Variants in CNTNAP5 observed in about 807,000 individuals in gnomAD.
CNTNAP5 encodes contactin-associated protein-like 5.
Under a neutral mutation model 150.2 loss-of-function variants are expected in CNTNAP5, and 72 were observed. That is an observed-to-expected ratio of 0.48 (90% CI 0.40 to 0.58). The LOEUF (loss-of-function observed/expected upper bound fraction) is 0.58, where lower values mean the gene tolerates loss of function less well. Ranked by LOEUF, CNTNAP5 falls within the 20% of genes least tolerant of loss-of-function variation. CNTNAP5 has a pLI of 0.00. For missense variants in CNTNAP5, 1,636 were observed against 1,626.2 expected (o/e 1.01, Z -0.10); for synonymous variants, 672 against 619.8 (o/e 1.08, Z -1.25).
chr2:124,638,783 A>G (rs1258826736), intron 12 of CNTNAP5, among the ~76,000 whole-genome samples: 4 of 152,178 alleles, frequency 2.6e-5, no homozygotes, highest in Non-Finnish European at 5.9e-5. Flanking sequence ...TCTTTTGTGC[A>G]TCAATACCTT....
intron 19 of CNTNAP5, among the ~76,000 whole-genome samples, chr2:124,823,593 T>C (rs1260483989): frequency 3.9e-5 from 6 of 152,180 alleles, no homozygotes; most frequent in Non-Finnish European, 8.8e-5. Context: ...TCAGTGTCCC[T>C]GCTCACATTG....
intron 6 of CNTNAP5, among the ~76,000 whole-genome samples, chr2:124,459,392 A>C (rs371137834): frequency 5.8e-4 from 88 of 152,290 alleles, no homozygotes; most frequent in African/African-American, 1.7e-3. Flanking sequence ...TAAAGGGTAG[A>C]GTTCTCTGCC....
intron 4 of CNTNAP5, among the ~76,000 whole-genome samples, chr2:124,426,121 G>A (rs1234879893): frequency 1.3e-5 from 2 of 151,676 alleles, no homozygotes; most frequent in Admixed American, 1.3e-4. Flanking sequence ...TTTCTGCTGA[G>A]GTTACGACTG....
intron 6 of CNTNAP5, among the ~76,000 whole-genome samples, chr2:124,450,567 A>G (rs1692944385): frequency 6.6e-6 from 1 of 150,530 alleles, no homozygotes; most frequent in East Asian, 2.0e-4. Flanking sequence ...AAAAAAAAAA[A>G]AAAAAAAAAA....
intron 1 of CNTNAP5, among the ~76,000 whole-genome samples, chr2:124,125,875 G>T (rs936654214): frequency 2.0e-5 from 3 of 152,144 alleles, no homozygotes; most frequent in Admixed American, 1.3e-4. Context: ...TGAGAAAAAA[G>T]ACACAACATA....
At chr2:124,882,401 A>G (rs1480097245) in intron 21 of CNTNAP5, among the ~76,000 whole-genome samples, 1 of 152,162 alleles carries the variant, frequency 6.6e-6, no homozygotes, top group African/African-American at 2.4e-5. Flanking sequence ...TGGAAACCCA[A>G]AATTGTGTGC....
chr2:124,872,314 G>T (rs2104728238), intron 21 of CNTNAP5, among the ~76,000 whole-genome samples: 1 of 150,522 alleles, frequency 6.6e-6, no homozygotes, highest in Admixed American at 6.6e-5. Flanking sequence ...AGTCTGTGAG[G>T]GTCCCAGTCT....
At chr2:124,872,695 C>T (rs1262090854) in intron 21 of CNTNAP5, among the ~76,000 whole-genome samples, 1 of 151,702 alleles carries the variant, frequency 6.6e-6, no homozygotes, top group African/African-American at 2.4e-5. Flanking sequence ...AATTAAAACA[C>T]CCTTAGAAAG....
At chr2:124,489,815 A>G (rs999708401) in intron 7 of CNTNAP5, among the ~76,000 whole-genome samples, 1 of 152,152 alleles carries the variant, frequency 6.6e-6, no homozygotes, top group Non-Finnish European at 1.5e-5. Flanking sequence ...GAAAGGAAGA[A>G]GTGAAGGCAA....
chr2:124,841,628 C>T (rs1682947306), intron 19 of CNTNAP5, among the ~76,000 whole-genome samples: 1 of 152,036 alleles, frequency 6.6e-6, no homozygotes. Context: ...TAATAGTCTG[C>T]TTATTGTTAT....
At chr2:124,431,437 C>T (rs1032829469) in intron 4 of CNTNAP5, among the ~76,000 whole-genome samples, 1 of 150,476 alleles carries the variant, frequency 6.6e-6, no homozygotes, top group Admixed American at 6.6e-5. Flanking sequence ...GGGGAAATAG[C>T]AGCAACATAA....
intron 1 of CNTNAP5, among the ~76,000 whole-genome samples, chr2:124,114,239 T>A (rs1003519403): frequency 1.4e-4 from 22 of 152,154 alleles, no homozygotes; most frequent in African/African-American, 5.1e-4. Context: ...CATTAAGTCA[T>A]GAATCAATGA....
intron 4 of CNTNAP5, among the ~76,000 whole-genome samples, chr2:124,431,470 T>C (rs1340014940): frequency 1.3e-5 from 2 of 149,172 alleles, no homozygotes; most frequent in Admixed American, 6.7e-5. Context: ...TTTACATAAA[T>C]TTCTCCATAA....
rs1204679181 is a variant in CNTNAP5 at position 124,869,659 on chromosome 2, TTC to T, written c.3349-14_3349-13del. Reference sequence around the variant, plus strand: ...AGACCTCTGCTGATGTGCCTTTGTTTTCTGTTTTCCTGCAGATGGACCAGCAA... The same window carrying T: ...AGACCTCTGCTGATGTGCCTTTGTTTTGTTTTCCTGCAGATGGACCAGCAA... On this transcript the variant is annotated splice_polypyrimidine_tract_variant and intron_variant, in intron 20 of 23. Coordinates refer to ENST00000682447, the MANE Select transcript of CNTNAP5 (RefSeq NM_001367498.1). 2 of 1,587,112 alleles carry T rather than the reference TTC, an allele frequency of 1.3e-6. No individual in the cohort carries two copies.
intron 13 of CNTNAP5, among the ~76,000 whole-genome samples, chr2:124,663,008 A>T (rs533567621): frequency 1.3e-5 from 2 of 152,352 alleles, no homozygotes; most frequent in East Asian, 3.9e-4. Context: ...GCTTTGTGGT[A>T]AGTATTTTCA....
At position 124,914,243 on chromosome 2, in the gene CNTNAP5, C is replaced by T; in HGVS notation, c.3879C>T (p.Asp1293=). ...NLDSSFRNEI[D]LQNTVSECKR... ...ACAGTTCCTTCAGAAATGAAATTGACTTGCAAAACACAGTGAGCGAGTGTA... is the reference window on the plus strand; with the variant it reads ...ACAGTTCCTTCAGAAATGAAATTGATTTGCAAAACACAGTGAGCGAGTGTA... Residue 1293 remains aspartate, a synonymous_variant, in exon 24 of 24, where the codon GAC becomes GAT. Transcript: ENST00000682447. 2 of 1,612,472 alleles carry T rather than the reference C, an allele frequency of 1.2e-6. No individual in the cohort carries two copies. The highest frequency in any genetic ancestry group is 1.7e-6 in the Non-Finnish European group (2 of 1,178,974).
At chr2:124,855,835 C>T (rs1194982207) in intron 19 of CNTNAP5, among the ~76,000 whole-genome samples, 1 of 152,026 alleles carries the variant, frequency 6.6e-6, no homozygotes, top group African/African-American at 2.4e-5. Context: ...ACACTGAACC[C>T]AATTTATAGT....
rs551610309 is a variant in CNTNAP5, at chr2:124,817,856, G to A, written c.3217+19536G>A. On this transcript the variant is annotated intron_variant, in intron 19 of 23. Transcript: ENST00000682447. ...AGGCAGTGGTGGGTGAATCTGGCCT[G>A]GGGGTAAATAAAAAGGAGGTGCATT... Among the ~76,000 whole-genome samples, 11 of 152,254 alleles carry A rather than the reference G, an allele frequency of 7.2e-5. No homozygotes were observed. In the South Asian group the frequency reaches 2.3e-3, roughly 32 times the overall value.
chr2:124,549,552 C>T (rs897044642), intron 10 of CNTNAP5, among the ~76,000 whole-genome samples: 1 of 152,006 alleles, frequency 6.6e-6, no homozygotes, highest in Non-Finnish European at 1.5e-5. Flanking sequence ...CATACATTAG[C>T]CTCAGTATTC....
Sources: gnomAD v4.1 joint callset for allele counts (sites outside exome capture counted in the v4.1 genomes callset) on GRCh38, gnomAD v4.1.1 for gene constraint, MANE v1.5 for transcripts, NCBI Gene and HGNC (gene_info 2026-07-23, HGNC 2026-07-21) for gene names.